The following BEGAIN variants were observed in gnomAD, a reference collection of about 807,000 sequenced individuals.
BEGAIN encodes brain-enriched guanylate kinase-associated protein.
BEGAIN carries 19 observed loss-of-function variants against 35.8 expected under a neutral mutation model. The ratio of observed to expected loss-of-function variants is 0.53; its 90% CI spans 0.37 to 0.78. The LOEUF (loss-of-function observed/expected upper bound fraction) is 0.78, where lower values mean the gene tolerates loss of function less well. Among genes scored for constraint, BEGAIN ranks in the 30% least tolerant of loss-of-function variants. BEGAIN has a pLI of 0.00. For missense variants in BEGAIN, 795 were observed against 853.6 expected (o/e 0.93, Z 0.85); for synonymous variants, 462 against 388.6 (o/e 1.19, Z -2.22).
intron 1 of BEGAIN, among the ~76,000 whole-genome samples, chr14:100,575,855 A>G (rs907975488): frequency 5.3e-5 from 8 of 151,868 alleles, no homozygotes; most frequent in African/African-American, 1.7e-4. Flanking sequence ...GCCCCAAGAG[A>G]TATGTGCAAG....
Position 100,568,403 on chromosome 14 carries a change from G to C in BEGAIN, c.43-464C>G. 1 of 1,259,466 alleles carries C rather than the reference G, an allele frequency of 7.9e-7. No individual in the cohort carries two copies. The highest frequency in any genetic ancestry group is 2.4e-5 in the Admixed American group (1 of 41,818). The allele number at this position is 1,259,466 out of a possible 1,614,324, so 78.0% of individuals were successfully genotyped here. ...AGAACCTCCGAGTCGGAGAATGTTG[G>C]GGAATTCGGGGCCGTGCAGGATTGC... is the stretch of plus-strand genomic sequence containing the variant. On this transcript the variant is annotated intron_variant, in intron 1 of 6. Coordinates refer to ENST00000554140, the MANE Select transcript of BEGAIN (RefSeq NM_001385089.1). This position sits in a 1 kb window ranked among gnomAD's most constrained non-coding sequence, Gnocchi z 7.5.
At chr14:100,559,175 G>A (rs2139634630) in intron 2 of BEGAIN, among the ~76,000 whole-genome samples, 1 of 152,212 alleles carries the variant, frequency 6.6e-6, no homozygotes, top group African/African-American at 2.4e-5. Context: ...CAGTGGGGCT[G>A]TCTCCGAGAG....
chr14:100,561,863 G>A (rs1036835486), intron 2 of BEGAIN, among the ~76,000 whole-genome samples: 1 of 152,078 alleles, frequency 6.6e-6, no homozygotes, highest in Non-Finnish European at 1.5e-5. Flanking sequence ...TGGGCTGTGG[G>A]GACAAAGGCA....
In BEGAIN at chr14:100,538,872, T is replaced by C; in HGVS notation, c.936A>G (p.Ser312=). 2.5e-6 allele frequency: 4 copies of C among 1,607,852 alleles called. No homozygotes were observed. The highest frequency in any genetic ancestry group is 3.4e-6 in the Non-Finnish European group (4 of 1,178,424). ...QHEAFPSYAG[S]LPTSSSYSSF... ...TGGAGTAGGAGCTGGACGTGGGCAG[T>C]GAGCCTGCGTAGCTGGGGAAGGCCT... The change falls in exon 7 of 7, where the codon TCA becomes TCG. Residue 312 remains serine, a synonymous_variant. Coordinates refer to ENST00000554140, the MANE Select transcript of BEGAIN (RefSeq NM_001385089.1).
chr14:100,558,585 T>C lies in BEGAIN; in HGVS notation c.71+9326A>G, dbSNP rs1179290830. ...ACTCCATTGCCTCACCTTTGTCTCA[T>C]GGGCAGCACAGATCTGCTGGGCGCA... is the stretch of plus-strand genomic sequence containing the variant. On this transcript the variant is annotated intron_variant, in intron 2 of 6. Coordinates refer to ENST00000554140, the MANE Select transcript of BEGAIN (RefSeq NM_001385089.1). The surrounding 1 kb of genome is among the most constrained non-coding windows in gnomAD (Gnocchi z 4.6). 6.6e-6 allele frequency among the ~76,000 whole-genome samples: 1 copy of C among 152,216 alleles called. No individual in the cohort carries two copies. Among genetic ancestry groups the C allele is most frequent in the African/African-American group, 2.4e-5 (1 of 41,446 alleles).
rs750643100 is a variant in BEGAIN at position 100,537,740 on chromosome 14, A to G, written c.*229T>C. On this transcript the variant is annotated 3_prime_UTR_variant, in exon 7 of 7. Transcript: ENST00000554140. ...TCACATGGGGGAAGGACGCGTGAAA[A>G]ACGCTCTAAGTGGAGTTCCACGGGC... 1.9e-6 allele frequency: 1 copy of G among 529,796 alleles called. No individual in the cohort carries two copies. Among genetic ancestry groups the G allele is most frequent in the Non-Finnish European group, 3.1e-6 (1 of 318,480 alleles). The allele number at this position is 529,796 out of a possible 1,614,324, so 32.8% of individuals were successfully genotyped here. A position where few individuals can be genotyped will look rare whatever the true frequency, so the allele number is the denominator to read the frequency against.
At chr14:100,569,460 TA>T (rs1173888127) in intron 1 of BEGAIN, 1 of 152,330 alleles carries the variant, frequency 6.6e-6, no homozygotes, top group Non-Finnish European at 1.5e-5. Flanking sequence ...CTTCTCATGC[TA>T]GGTCCCAGCA....
Position 100,568,880 on chromosome 14 carries a change from C to G in BEGAIN, c.43-941G>C. ...CTCAAGGGGGACAGGGGTCCGAGCTCAGGGACCACGCGACAGACCTGGGAA... is the reference window on the plus strand; with the variant it reads ...CTCAAGGGGGACAGGGGTCCGAGCTGAGGGACCACGCGACAGACCTGGGAA... On this transcript the variant is annotated intron_variant, in intron 1 of 6. Coordinates refer to ENST00000554140, the MANE Select transcript of BEGAIN (RefSeq NM_001385089.1). The surrounding 1 kb of genome is among the most constrained non-coding windows in gnomAD (Gnocchi z 7.5). The G allele has an allele frequency of 1.0e-6, 1 of 985,480 alleles. No individual in the cohort carries two copies. The highest frequency in any genetic ancestry group is 1.2e-6 in the Non-Finnish European group (1 of 830,290). 61.0% of individuals were successfully genotyped at this position (985,480 alleles called of 1,614,324 possible). A position where few individuals can be genotyped will look rare whatever the true frequency, so the allele number is the denominator to read the frequency against.
chr14:100,571,313 G>A (rs1473367534), intron 1 of BEGAIN, among the ~76,000 whole-genome samples: 5 of 152,096 alleles, frequency 3.3e-5, no homozygotes, highest in Non-Finnish European at 7.4e-5. Flanking sequence ...TCCTGATGAC[G>A]TGCCCATCCC....
rs569606327 is a variant in BEGAIN, at chr14:100,571,448, G to A, written c.43-3509C>T. On this transcript the variant is annotated intron_variant, in intron 1 of 6. Coordinates refer to ENST00000554140, the MANE Select transcript of BEGAIN (RefSeq NM_001385089.1). ...CCCGTCCACCCTTTCCTCTGCTGCT[G>A]TGTCCCCAGGGTGGCCTTGGGCCCG... Among the ~76,000 whole-genome samples, 98 of 152,334 alleles carry A rather than the reference G, an allele frequency of 6.4e-4. 1 individual carries two copies. The highest frequency in any genetic ancestry group is 3.4e-3 in the Middle Eastern group (1 of 294).
At position 100,567,889 on chromosome 14, in the gene BEGAIN, G is replaced by A. The variant is rs1185475959; in HGVS notation, c.71+22C>T. ...CCCGACCCGGCCCCCGCGAGCCGCGGCACGGGAGACGCTCCACTCACCTGA... is the reference window on the plus strand; with the variant it reads ...CCCGACCCGGCCCCCGCGAGCCGCGACACGGGAGACGCTCCACTCACCTGA... On this transcript the variant is annotated intron_variant, in intron 2 of 6. Coordinates refer to ENST00000554140, the MANE Select transcript of BEGAIN (RefSeq NM_001385089.1). This position sits in a 1 kb window ranked among gnomAD's most constrained non-coding sequence, Gnocchi z 5.1. 6 of 1,466,158 alleles carry A rather than the reference G, an allele frequency of 4.1e-6. No homozygotes were observed. Among genetic ancestry groups the A allele is most frequent in the Non-Finnish European group, 5.5e-6 (6 of 1,100,058 alleles). 90.8% of individuals were successfully genotyped at this position (1,466,158 alleles called of 1,614,324 possible). A position where few individuals can be genotyped will look rare whatever the true frequency, so the allele number is the denominator to read the frequency against.
rs1179501842 is a variant in BEGAIN at position 100,568,551 on chromosome 14, A to G, written c.43-612T>C. The G allele has an allele frequency of 1.6e-6, 2 of 1,276,036 alleles. No individual in the cohort carries two copies. The highest frequency in any genetic ancestry group is 2.3e-5 in the Admixed American group (1 of 42,754). 79.0% of individuals were successfully genotyped at this position (1,276,036 alleles called of 1,614,324 possible). ...GGCTTGCCCCTCCCGGGCCCCAGGG[A>G]TTAACCCGTGAGCGCCCGGCTCGCC... On this transcript the variant is annotated intron_variant, in intron 1 of 6. Coordinates refer to ENST00000554140, the MANE Select transcript of BEGAIN (RefSeq NM_001385089.1). This position sits in a 1 kb window ranked among gnomAD's most constrained non-coding sequence, Gnocchi z 7.5.
chr14:100,552,603 G>C (rs2033314026), intron 2 of BEGAIN, among the ~76,000 whole-genome samples: 2 of 152,236 alleles, frequency 1.3e-5, no homozygotes, highest in Non-Finnish European at 2.9e-5. Flanking sequence ...CAGGAGGGCT[G>C]CCCTGCTGAG....
chr14:100,577,961 G>A (rs1466091252), intron 1 of BEGAIN: 2 of 399,166 alleles, frequency 5.0e-6, no homozygotes, highest in Non-Finnish European at 8.8e-6. Flanking sequence ...ATCCTCCTGA[G>A]TCAGTCCAAG....
intron 2 of BEGAIN, among the ~76,000 whole-genome samples, chr14:100,560,835 T>C (rs547162611): frequency 3.7e-4 from 57 of 152,246 alleles, no homozygotes; most frequent in South Asian, 3.7e-3. Context: ...TGCAACTCTG[T>C]CCTGCTGCTG....
At chr14:100,546,770 G>T in intron 2 of BEGAIN, 108 bp from the exon 3 acceptor site, 1 of 761,922 alleles carries the variant, frequency 1.3e-6, no homozygotes. Context: ...ACCGGCGCGC[G>T]CGCGCGCGCG....
chr14:100,540,536 T>C lies in BEGAIN; in HGVS notation c.452A>G (p.Gln151Arg). ...GACCCTGCCGTAGGTCTGGCTGCAC[T>C]GCAGCAGCTGGGCCGCTAGATTGCA... is the stretch of plus-strand genomic sequence containing the variant. Reference protein sequence around the residue: ...KDCNLAAQLLQCSQTYGRVHK... With the variant: ...KDCNLAAQLLRCSQTYGRVHK... The change falls in exon 6 of 7, where the codon CAG becomes CGG. Residue 151 changes from glutamine to arginine, a missense_variant. Gln to Arg is a conservative substitution (Grantham distance 43, BLOSUM62 1). This residue lies in a region of BEGAIN where 73 missense variants were observed against 143.2 expected (regional missense o/e 0.51). Coordinates refer to ENST00000554140, the MANE Select transcript of BEGAIN (RefSeq NM_001385089.1). The C allele has an allele frequency of 6.2e-7, 1 of 1,608,116 alleles. No individual in the cohort carries two copies. The highest frequency in any genetic ancestry group is 8.5e-7 in the Non-Finnish European group (1 of 1,177,486).
intron 2 of BEGAIN, among the ~76,000 whole-genome samples, chr14:100,566,359 G>A (rs1305011890): frequency 6.6e-6 from 1 of 152,238 alleles, no homozygotes; most frequent in Non-Finnish European, 1.5e-5. Context: ...CTCAGTGCCT[G>A]GCACACAGGA....
chr14:100,539,366 T>G (rs370819036), intron 6 of BEGAIN, 51 bp from the exon 7 acceptor site: 9 of 1,504,818 alleles, frequency 6.0e-6, no homozygotes, highest in Non-Finnish European at 7.1e-6. Context: ...ACTGTTAGCA[T>G]GGCAGCCCAG....
Sources: allele counts gnomAD v4.1 joint callset (sites outside exome capture counted in the v4.1 genomes callset), GRCh38; gene constraint gnomAD v4.1.1; regional missense constraint gnomAD v4.1.1; non-coding constraint Gnocchi (gnomAD v3.1); transcripts MANE v1.5; gene names NCBI Gene and HGNC (gene_info 2026-07-23, HGNC 2026-07-21).